Variants in SLC2A11 observed in about 807,000 individuals in gnomAD.
SLC2A11 encodes the protein solute carrier family 2, facilitated glucose transporter member 11.
In SLC2A11, 43 loss-of-function variants were observed where a neutral mutation model predicts 52.1. The ratio of observed to expected loss-of-function variants is 0.82; its 90% CI spans 0.65 to 1.06. SLC2A11 has a LOEUF of 1.06. SLC2A11 is among the 50% of genes least tolerant of loss of function. The pLI, the probability that SLC2A11 is intolerant of heterozygous loss-of-function variation, is 0.00. For missense variants in SLC2A11, 582 were observed against 654.2 expected, an observed-to-expected ratio of 0.89 and a Z score of 1.20; for synonymous variants, 261 against 277.6, an observed-to-expected ratio of 0.94 and a Z score of 0.59.
chr22:23,877,581 G>T (rs2032659412), intron 5 of SLC2A11, 140 bp from the exon 6 acceptor site: 4 of 1,159,810 alleles, frequency 3.4e-6, no homozygotes, highest in Non-Finnish European at 5.0e-6. Context: ...GGATCTTGAT[G>T]TTCAGACCCA....
intron 1 of SLC2A11, 22 bp downstream of exon 1, chr22:23,858,051 C>G: frequency 6.4e-7 from 1 of 1,554,126 alleles, no homozygotes; most frequent in South Asian, 1.2e-5. Context: ...CATACTTGCC[C>G]AGACCAGGCG....
chr22:23,861,290 CAAAA>C (rs56138210), intron 1 of SLC2A11, among the ~76,000 whole-genome samples: 6,181 of 34,506 alleles, frequency 0.18, 71 homozygotes, highest in Non-Finnish European at 0.24. Flanking sequence ...GACTCAGTCT[CAAAA>C]AAAAAAAAAA....
At position 23,868,615 on chromosome 22, in the gene SLC2A11, A is replaced by C; in HGVS notation, c.264A>C (p.Ala88=). 1 of 1,614,122 alleles carries C rather than the reference A, an allele frequency of 6.2e-7. No individual in the cohort carries two copies. Among genetic ancestry groups the C allele is most frequent in the Non-Finnish European group, 8.5e-7 (1 of 1,179,998 alleles). Residue 88 remains alanine, a synonymous_variant, in exon 3 of 12, where the codon GCA becomes GCC. Coordinates refer to ENST00000316185, the MANE Select transcript of SLC2A11 (RefSeq NM_001024939.4). ...GAGGCCTCTTTGGAGCACTGCTTGC[A>C]GGTCCCTTGGCCATCACGCTGGGAA... ...PLGGLFGALL[A]GPLAITLGRK... is the part of the protein sequence containing the mutation.
intron 1 of SLC2A11, among the ~76,000 whole-genome samples, chr22:23,861,255 G>GGT (rs35173398): frequency 0.27 from 38,786 of 141,538 alleles, 5,847 homozygotes; most frequent in Non-Finnish European, 0.33. Flanking sequence ...TGGGATTACA[G>GGT]GTGTGAGCCA....
At position 23,857,879 on chromosome 22, in the gene SLC2A11, T is replaced by G; in HGVS notation, c.-121T>G. On this transcript the variant is annotated 5_prime_UTR_variant, in exon 1 of 12. Coordinates refer to ENST00000316185, the MANE Select transcript of SLC2A11 (RefSeq NM_001024939.4). ...TCACTGCGCGTGCGCTAGCGCCTCT[T>G]TCACCACTGGGCGCTGCGCGCTGCC... is the stretch of plus-strand genomic sequence containing the variant. The G allele has an allele frequency of 6.5e-7, 1 of 1,549,322 alleles. No individual in the cohort carries two copies. The highest frequency in any genetic ancestry group is 8.7e-7 in the Non-Finnish European group (1 of 1,149,092).
intron 3 of SLC2A11, chr22:23,869,801 C>T (rs1255356413): frequency 1.8e-6 from 1 of 562,776 alleles, no homozygotes; most frequent in Non-Finnish European, 3.1e-6. Context: ...ATGCAGTGTA[C>T]CGTGAGGGCT....
chr22:23,878,090 TACTC>T (rs1568994396), intron 6 of SLC2A11, among the ~76,000 whole-genome samples: 1 of 152,324 alleles, frequency 6.6e-6, no homozygotes, highest in East Asian at 1.9e-4. Flanking sequence ...TAGCCACTGT[TACTC>T]AAGAACTCCA....
At chr22:23,872,579 A>G (rs2032491112) in intron 3 of SLC2A11, 1 of 152,236 alleles carries the variant, frequency 6.6e-6, no homozygotes, top group South Asian at 2.1e-4. Context: ...GCTTCGACCC[A>G]CTAGAGAATA....
chr22:23,868,171 A>T (rs1568987852), intron 2 of SLC2A11: 1 of 420,324 alleles, frequency 2.4e-6, no homozygotes, highest in Non-Finnish European at 4.4e-6. Context: ...GTGGGAAAAT[A>T]TCCACACATT....
At chr22:23,857,073 TGGG>T (rs60895711), upstream of SLC2A11, 7,367 of 405,396 alleles carry the variant, frequency 0.018, 64 homozygotes, top group South Asian at 0.075. Context: ...TGTGTGTGTG[TGGG>T]GGGGGGGGGG....
chr22:23,873,054 C>T (rs1454839783), intron 3 of SLC2A11: 1 of 152,248 alleles, frequency 6.6e-6, no homozygotes, highest in East Asian at 1.9e-4. Context: ...CGGAGTCTCG[C>T]TCTATCACCC....
At chr22:23,859,805 C>A (rs1241676328) in intron 1 of SLC2A11, among the ~76,000 whole-genome samples, 1 of 152,186 alleles carries the variant, frequency 6.6e-6, no homozygotes. Flanking sequence ...CAGTATTTGA[C>A]TAATAAATGA....
intron 6 of SLC2A11, chr22:23,881,279 G>C (rs1413344374): frequency 6.6e-6 from 1 of 151,112 alleles, no homozygotes; most frequent in Non-Finnish European, 1.5e-5. Context: ...ATCTAGAATA[G>C]TCCCAGTGAG....
rs1217823186 is a variant in SLC2A11 at position 23,884,070 on chromosome 22, G to A, written c.1171+46G>A. On this transcript the variant is annotated intron_variant, in intron 10 of 11. Transcript: ENST00000316185. This position sits in a 1 kb window ranked among gnomAD's most constrained non-coding sequence, Gnocchi z 4.3. ...CTGGGCATCCATCATCACATAGAAG[G>A]AGTGATGGGTGCCTGGGTGCACAGT... is the stretch of plus-strand genomic sequence containing the variant. 6.3e-7 allele frequency: 1 copy of A among 1,593,070 alleles called. No individual in the cohort carries two copies. The highest frequency in any genetic ancestry group is 2.2e-5 in the East Asian group (1 of 44,802).
Position 23,862,196 on chromosome 22 carries a change from G to A in SLC2A11, c.123G>A (p.Pro41=), listed in dbSNP as rs185337121. 50 of 1,614,062 alleles carry A rather than the reference G, an allele frequency of 3.1e-5. 1 individual carries two copies. In the East Asian group the frequency reaches 6.2e-4, roughly 20 times the overall value. ...FGYNLSIINA[P]TLHIQEFTNE... is the part of the protein sequence containing the mutation. ...ATAACCTCTCTATCATCAATGCCCC[G>A]ACCTTGGTATGTATCCTCTCTGGGT... Residue 41 remains proline (P), a synonymous_variant, in exon 2 of 12, where the codon CCG becomes CCA. Transcript: ENST00000316185.
chr22:23,875,859 A>G (rs2146130379), intron 4 of SLC2A11, among the ~76,000 whole-genome samples: 1 of 152,266 alleles, frequency 6.6e-6, no homozygotes, highest in South Asian at 2.1e-4. Flanking sequence ...TGGGCCAGGA[A>G]CCCAGGAATG....
At chr22:23,857,680 G>A (rs1046589223), upstream of SLC2A11, 8 of 1,133,034 alleles carry the variant, frequency 7.1e-6, no homozygotes, top group African/African-American at 3.1e-5. Context: ...CGCCTCAGGC[G>A]CCCTCCGCGA....
At chr22:23,883,330 G>T (rs553817072) in intron 8 of SLC2A11, 1 of 323,806 alleles carries the variant, frequency 3.1e-6, no homozygotes, top group Non-Finnish European at 5.9e-6. Context: ...AATTAGCCAG[G>T]CGTGGTGGTC....
At chr22:23,857,132 T>C (rs373948354), upstream of SLC2A11, 1,025 of 1,188,296 alleles carry the variant, frequency 8.6e-4, 8 homozygotes, top group African/African-American at 0.014. Context: ...GGCTTGGCCC[T>C]CCGGAGAACG....
Sources: gnomAD v4.1 joint callset for allele counts (sites outside exome capture counted in the v4.1 genomes callset) on GRCh38, gnomAD v4.1.1 for gene constraint, Gnocchi (gnomAD v3.1) non-coding constraint, MANE v1.5 for transcripts, NCBI Gene and HGNC (gene_info 2026-07-23, HGNC 2026-07-21) for gene names.